The following FAM135A variants were observed in gnomAD, a reference collection of about 807,000 sequenced individuals.
FAM135A encodes the protein protein FAM135A.
A neutral mutation model predicts 146.8 loss-of-function variants in FAM135A; 79 were observed. The ratio of observed to expected loss-of-function variants is 0.54; its 90% confidence interval spans 0.45 to 0.65. The LOEUF (loss-of-function observed/expected upper bound fraction) is 0.65, where lower values mean the gene tolerates loss of function less well. Ranked by LOEUF, FAM135A falls within the 30% of genes least tolerant of loss-of-function variation. FAM135A has a pLI of 0.00. For synonymous variants in FAM135A, 562 were observed against 603.6 expected, an observed-to-expected ratio of 0.93 and a Z score of 1.01; for missense variants, 1,623 against 1,758.2, an observed-to-expected ratio of 0.92 and a Z score of 1.38.
chr6:70,484,578 A>G (rs1180606221), intron 10 of FAM135A, among the ~76,000 whole-genome samples: 1 of 152,102 alleles, frequency 6.6e-6, no homozygotes, highest in East Asian at 1.9e-4. Flanking sequence ...TTGTTTTGGG[A>G]TGAAACTATT....
intron 8 of FAM135A, among the ~76,000 whole-genome samples, chr6:70,479,459 T>C (rs1009045533): frequency 2.0e-5 from 3 of 152,210 alleles, no homozygotes; most frequent in African/African-American, 7.2e-5. Context: ...GTTCTTTATC[T>C]AGCTGCCATG....
At chr6:70,423,776 A>G (rs1311546814) in intron 2 of FAM135A, among the ~76,000 whole-genome samples, 2 of 152,180 alleles carry the variant, frequency 1.3e-5, no homozygotes, top group African/African-American at 4.8e-5. Context: ...CCTTCATCCT[A>G]CCTGTTGATA....
intron 11 of FAM135A, among the ~76,000 whole-genome samples, chr6:70,493,223 T>C (rs1786445727): frequency 6.6e-6 from 1 of 152,068 alleles, no homozygotes; most frequent in South Asian, 2.1e-4. Flanking sequence ...ATAATATGAT[T>C]TCATATAGTA....
intron 12 of FAM135A, among the ~76,000 whole-genome samples, chr6:70,505,665 T>C (rs987686263): frequency 6.6e-6 from 1 of 152,168 alleles, no homozygotes; most frequent in Admixed American, 6.5e-5. Context: ...TATTTAATGT[T>C]TTCTAGTTTC....
chr6:70,456,626 T>G (rs977760357), intron 5 of FAM135A, among the ~76,000 whole-genome samples: 2 of 152,172 alleles, frequency 1.3e-5, no homozygotes, highest in Non-Finnish European at 2.9e-5. Flanking sequence ...AGGATATAAT[T>G]AAGTGTCACA....
At chr6:70,499,159 C>T (rs113430834) in intron 11 of FAM135A, among the ~76,000 whole-genome samples, 19,832 of 152,160 alleles carry the variant, frequency 0.13, 1,537 homozygotes, top group Middle Eastern at 0.19. Context: ...CTGGGTTCTC[C>T]TGTATTGGTG....
chr6:70,552,090 C>G (rs1341941049), intron 20 of FAM135A, among the ~76,000 whole-genome samples: 2 of 152,112 alleles, frequency 1.3e-5, no homozygotes, highest in Non-Finnish European at 2.9e-5. Context: ...CTGTATAAAA[C>G]TGATTGCTTT....
intron 12 of FAM135A, among the ~76,000 whole-genome samples, chr6:70,510,206 A>G (rs1249517501): frequency 7.0e-6 from 1 of 143,640 alleles, no homozygotes; most frequent in Non-Finnish European, 1.5e-5. Flanking sequence ...CATAGATGTT[A>G]TGTAACATGA....
At chr6:70,470,050 A>G (rs572395215) in intron 5 of FAM135A, among the ~76,000 whole-genome samples, 5 of 152,226 alleles carry the variant, frequency 3.3e-5, no homozygotes, top group South Asian at 2.1e-4. Context: ...TGCATATTAT[A>G]TGATGGATCA....
At chr6:70,505,251 T>G (rs1376993092) in intron 12 of FAM135A, among the ~76,000 whole-genome samples, 38 of 152,152 alleles carry the variant, frequency 2.5e-4, no homozygotes, top group Non-Finnish European at 5.9e-5. Context: ...AATTTTATAT[T>G]GACACAATAT....
chr6:70,554,776 T>A (rs1800514259), intron 20 of FAM135A, among the ~76,000 whole-genome samples: 1 of 152,110 alleles, frequency 6.6e-6, no homozygotes, highest in Admixed American at 6.6e-5. Context: ...TATAGGTGGC[T>A]GCCACCATGC....
At chr6:70,484,653 C>T (rs551930421) in intron 10 of FAM135A, among the ~76,000 whole-genome samples, 10 of 152,256 alleles carry the variant, frequency 6.6e-5, no homozygotes, top group East Asian at 3.9e-4. Flanking sequence ...ATCCCTCACA[C>T]GCACAGTTCG....
At chr6:70,527,067 T>G (rs960038071) in intron 15 of FAM135A, among the ~76,000 whole-genome samples, 1 of 152,020 alleles carries the variant, frequency 6.6e-6, no homozygotes, top group African/African-American at 2.4e-5. Flanking sequence ...TTTTCATCAG[T>G]CCCTCATTTC....
intron 10 of FAM135A, among the ~76,000 whole-genome samples, chr6:70,486,867 C>T (rs978534067): frequency 6.6e-6 from 1 of 151,956 alleles, no homozygotes; most frequent in Non-Finnish European, 1.5e-5. Flanking sequence ...GTGGAGATTG[C>T]AGTGAGCCGA....
intron 20 of FAM135A, among the ~76,000 whole-genome samples, chr6:70,541,635 T>G (rs1230416875): frequency 1.3e-5 from 2 of 152,204 alleles, no homozygotes; most frequent in African/African-American, 4.8e-5. Context: ...CATATCCATC[T>G]TTACCATTGG....
intron 2 of FAM135A, among the ~76,000 whole-genome samples, chr6:70,425,792 G>T (rs1769948871): frequency 6.6e-6 from 1 of 152,202 alleles, no homozygotes; most frequent in Admixed American, 6.5e-5. Flanking sequence ...AAAATGGTGA[G>T]TTCCACCTCT....
At chr6:70,526,870 T>C (rs1242817011) in intron 15 of FAM135A, among the ~76,000 whole-genome samples, 172 bp downstream of exon 15, 3 of 151,810 alleles carry the variant, frequency 2.0e-5, no homozygotes, top group Non-Finnish European at 4.4e-5. Flanking sequence ...GTTTCTGTAA[T>C]ACAAAAGTGC....
intron 12 of FAM135A, among the ~76,000 whole-genome samples, chr6:70,506,241 C>T (rs886660786): frequency 2.6e-5 from 4 of 152,110 alleles, no homozygotes; most frequent in Non-Finnish European, 5.9e-5. Context: ...ACTTGAAAGG[C>T]AGTCCACCTC....
intron 12 of FAM135A, among the ~76,000 whole-genome samples, chr6:70,517,441 G>A (rs1412783540): frequency 1.4e-5 from 2 of 139,932 alleles, no homozygotes; most frequent in African/African-American, 5.5e-5. Flanking sequence ...TTTTTTAGAT[G>A]GAGTTTTGCT....
Sources: allele counts gnomAD v4.1 joint callset (sites outside exome capture counted in the v4.1 genomes callset), GRCh38; gene constraint gnomAD v4.1.1; transcripts MANE v1.5; gene names NCBI Gene and HGNC (gene_info 2026-07-23, HGNC 2026-07-21).